HOMER1: variants seen among roughly 807,000 people sequenced by gnomAD.
HOMER1 encodes the protein homer protein homolog 1.
In HOMER1, 3 loss-of-function variants were observed where a neutral mutation model predicts 48.9. That is an observed-to-expected ratio of 0.06 (90% CI 0.03 to 0.16). The LOEUF (loss-of-function observed/expected upper bound fraction) is 0.16. Among genes scored for constraint, HOMER1 ranks in the 10% least tolerant of loss-of-function variants. The pLI is 1.00. For missense variants in HOMER1, 247 were observed against 411.4 expected, an observed-to-expected ratio of 0.60 and a Z score of 3.46; for synonymous variants, 134 against 146.4, an observed-to-expected ratio of 0.92 and a Z score of 0.61.
At chr5:79,383,553 T>C (rs1346145212) in intron 8 of HOMER1, among the ~76,000 whole-genome samples, 1 of 152,064 alleles carries the variant, frequency 6.6e-6, no homozygotes, top group African/African-American at 2.4e-5. Context: ...GCCCGGCTCA[T>C]TTTTGTATTT....
At chr5:79,392,561 A>C (rs1173195770) in intron 8 of HOMER1, among the ~76,000 whole-genome samples, 1 of 152,252 alleles carries the variant, frequency 6.6e-6, no homozygotes, top group Non-Finnish European at 1.5e-5. Context: ...AAAAGTTAAA[A>C]AAATTTTAAA....
chr5:79,474,206 ATTTTTTTTTTTT>A (rs1009644672), intron 1 of HOMER1, among the ~76,000 whole-genome samples: 14 of 98,748 alleles, frequency 1.4e-4, no homozygotes, highest in Admixed American at 8.1e-4. Flanking sequence ...CCCAACCAAA[ATTTTTTTTTTTT>A]TTTTTTTTTT....
intron 3 of HOMER1, among the ~76,000 whole-genome samples, chr5:79,448,225 AC>A (rs2112289432): frequency 6.6e-6 from 1 of 152,314 alleles, no homozygotes; most frequent in Admixed American, 6.5e-5. Flanking sequence ...AAACAGTACA[AC>A]ATCTGAATAC....
chr5:79,463,468 C>G (rs6895070), intron 1 of HOMER1, among the ~76,000 whole-genome samples: 1 of 152,028 alleles, frequency 6.6e-6, no homozygotes, highest in Non-Finnish European at 1.5e-5. Context: ...TAATAGCATA[C>G]GGAAAAACAA....
intron 5 of HOMER1, among the ~76,000 whole-genome samples, chr5:79,433,239 A>T (rs1300978915): frequency 6.6e-6 from 1 of 152,162 alleles, no homozygotes; most frequent in African/African-American, 2.4e-5. Context: ...TCCTGTTTTT[A>T]TCATCTTAAA....
chr5:79,389,605 G>A (rs777309784), intron 8 of HOMER1, among the ~76,000 whole-genome samples: 8 of 152,278 alleles, frequency 5.3e-5, no homozygotes, highest in Admixed American at 3.9e-4. Flanking sequence ...CCGATGTGAG[G>A]AGGCCGCATT....
Position 79,513,788 on chromosome 5 carries a change from A to G in HOMER1, c.-1014T>C, listed in dbSNP as rs1235315981. ...GCGGGCGAAAGGGGCCGAAGGGTCG[A>G]CGGGCGCCTGCCCGAGCCAAGGCGG... On this transcript the variant is annotated 5_prime_UTR_variant, in exon 1 of 9. Transcript: ENST00000334082. 1 of 152,406 alleles carries G rather than the reference A, an allele frequency of 6.6e-6. No individual in the cohort carries two copies. The highest frequency in any genetic ancestry group is 2.4e-5 in the African/African-American group (1 of 41,448). The allele number at this position is 152,406 out of a possible 1,614,324, so 9.4% of individuals were successfully genotyped here. A position where few individuals can be genotyped will look rare whatever the true frequency, so the allele number is the denominator to read the frequency against.
chr5:79,420,346 C>A (rs776814853), intron 5 of HOMER1, among the ~76,000 whole-genome samples: 2 of 152,130 alleles, frequency 1.3e-5, no homozygotes, highest in Non-Finnish European at 1.5e-5. Context: ...CACCTAACTG[C>A]TTCAAAGGCC....
intron 8 of HOMER1, among the ~76,000 whole-genome samples, chr5:79,379,671 C>T (rs747322347): frequency 3.4e-4 from 51 of 151,056 alleles, no homozygotes; most frequent in Non-Finnish European, 6.5e-4. Flanking sequence ...TCTCAAACTC[C>T]TGGGCTCAAG....
At chr5:79,509,737 A>T (rs1752883435) in intron 1 of HOMER1, among the ~76,000 whole-genome samples, 2 of 152,214 alleles carry the variant, frequency 1.3e-5, no homozygotes, top group Admixed American at 1.3e-4. Flanking sequence ...TTCATAAACT[A>T]CTATTAGGGG....
intron 1 of HOMER1, among the ~76,000 whole-genome samples, chr5:79,512,020 A>C (rs1752957587): frequency 6.6e-6 from 1 of 152,186 alleles, no homozygotes; most frequent in Non-Finnish European, 1.5e-5. Flanking sequence ...TCATCAACCC[A>C]CAGTGTGAAG....
chr5:79,465,173 A>G (rs1751422136), intron 1 of HOMER1, among the ~76,000 whole-genome samples: 2 of 152,046 alleles, frequency 1.3e-5, no homozygotes, highest in African/African-American at 4.8e-5. Context: ...CGCCTCCATA[A>G]AAAATTTAAA....
At chr5:79,477,391 AT>A (rs915893560) in intron 1 of HOMER1, among the ~76,000 whole-genome samples, 1 of 152,114 alleles carries the variant, frequency 6.6e-6, no homozygotes, top group African/African-American at 2.4e-5. Flanking sequence ...AGAGGAAGAG[AT>A]TTTTTTCTTT....
intron 5 of HOMER1, among the ~76,000 whole-genome samples, chr5:79,417,437 C>T (rs1436370887): frequency 6.6e-6 from 1 of 152,184 alleles, no homozygotes; most frequent in Admixed American, 6.5e-5. Flanking sequence ...CCACCGCACC[C>T]GGCCGATTTC....
chr5:79,446,090 G>T (rs1041768186), intron 4 of HOMER1, among the ~76,000 whole-genome samples: 2 of 152,132 alleles, frequency 1.3e-5, no homozygotes, highest in Non-Finnish European at 2.9e-5. Context: ...TAATTCTTAA[G>T]GACAGCAAGA....
At chr5:79,402,700 A>G (rs1281114181) in intron 5 of HOMER1, among the ~76,000 whole-genome samples, 1 of 152,188 alleles carries the variant, frequency 6.6e-6, no homozygotes, top group African/African-American at 2.4e-5. Flanking sequence ...CATCTATTAA[A>G]AAAACCTAAC....
intron 4 of HOMER1, among the ~76,000 whole-genome samples, chr5:79,445,030 A>C (rs1750838041): frequency 6.6e-6 from 1 of 152,118 alleles, no homozygotes. Flanking sequence ...GCTCTCCTTT[A>C]TTCTTATTAA....
intron 1 of HOMER1, 135 bp downstream of exon 1, chr5:79,512,635 C>T: frequency 1.3e-6 from 1 of 780,366 alleles, no homozygotes; most frequent in South Asian, 1.7e-5. Flanking sequence ...GGTTAGCATG[C>T]CTATTTCTTT....
At chr5:79,451,335 T>G (rs983612401) in intron 2 of HOMER1, among the ~76,000 whole-genome samples, 1 of 152,164 alleles carries the variant, frequency 6.6e-6, no homozygotes, top group Non-Finnish European at 1.5e-5. Flanking sequence ...ATCAAAAATT[T>G]CAACATTTTA....
Sources: gnomAD v4.1 joint callset for allele counts (sites outside exome capture counted in the v4.1 genomes callset) on GRCh38, gnomAD v4.1.1 for gene constraint, MANE v1.5 for transcripts, NCBI Gene and HGNC (gene_info 2026-07-23, HGNC 2026-07-21) for gene names.